Variants in MPZL1 observed in about 807,000 individuals in gnomAD.
MPZL1 encodes myelin protein zero-like protein 1.
A neutral mutation model predicts 29.3 loss-of-function variants in MPZL1; 16 were observed. The ratio of observed to expected loss-of-function variants is 0.55; its 90% confidence interval spans 0.37 to 0.83. The LOEUF is 0.83. Among genes scored for constraint, MPZL1 ranks in the 40% least tolerant of loss-of-function variants. The probability of loss-of-function intolerance (pLI) is 0.00; values close to 1 mark genes in which losing one functional copy is unlikely to be tolerated. For missense variants in MPZL1, 279 were observed against 332.9 expected, an observed-to-expected ratio of 0.84 and a Z score of 1.26; for synonymous variants, 143 against 132.0, an observed-to-expected ratio of 1.08 and a Z score of -0.57.
At chr1:167,776,690 GA>G (rs1169896813) in intron 5 of MPZL1, among the ~76,000 whole-genome samples, 1 of 152,214 alleles carries the variant, frequency 6.6e-6, no homozygotes, top group African/African-American at 2.4e-5. Flanking sequence ...TCTACTTGTA[GA>G]AAGTACAGAA....
At chr1:167,739,266 CATATATACATATATACATATATATAT>C (rs1289172723) in intron 1 of MPZL1, among the ~76,000 whole-genome samples, 1 of 97,170 alleles carries the variant, frequency 1.0e-5, no homozygotes, top group Non-Finnish European at 1.9e-5. Context: ...CATACACATA[CATATATACATATATACATATATATAT>C]ATATATATAT....
Position 167,756,055 on chromosome 1 carries a change from A to G in MPZL1, c.92-9528A>G, listed in dbSNP as rs187486191. 7.2e-5 allele frequency among the ~76,000 whole-genome samples: 11 copies of G among 152,330 alleles called. No individual in the cohort carries two copies. In the East Asian group the frequency reaches 1.9e-3, roughly 27 times the overall value. ...ACAGAAAGATCTTTGTTGGTACAAA[A>G]AAGGTTAAGGATAGATATGTGGCCA... On this transcript the variant is annotated intron_variant, in intron 1 of 5. Transcript: ENST00000359523.
intron 1 of MPZL1, 88 bp downstream of exon 1, chr1:167,722,330 C>T (rs1660048901): frequency 1.6e-6 from 2 of 1,228,194 alleles, no homozygotes; most frequent in Non-Finnish European, 2.0e-6. Flanking sequence ...AGGCCAGGCG[C>T]GCGCACTGAG....
At chr1:167,765,318 G>A (rs1661089620) in intron 1 of MPZL1, 1 of 187,132 alleles carries the variant, frequency 5.3e-6, no homozygotes, top group Admixed American at 6.9e-5. Flanking sequence ...AAGTCTATTA[G>A]TTTAAAAAAA....
chr1:167,760,765 G>GTC (rs1449615973), intron 1 of MPZL1, among the ~76,000 whole-genome samples: 3 of 131,402 alleles, frequency 2.3e-5, no homozygotes, highest in African/African-American at 5.4e-5. Flanking sequence ...GTGTGTGTGT[G>GTC]TGTGTGTGTG....
rs75026799 is a variant in MPZL1, at chr1:167,760,087, C to A, written c.92-5496C>A. ...TGGGGAAGGCTGAAGGAGGCAGACA[C>A]CAATTAGGAAGCTATCAATACTTAA... is the stretch of plus-strand genomic sequence containing the variant. On this transcript the variant is annotated intron_variant, in intron 1 of 5. Transcript: ENST00000359523. Among the ~76,000 whole-genome samples, 1,211 of 152,094 alleles carry A rather than the reference C, an allele frequency of 8.0e-3. 22 individuals are homozygous for A. Among genetic ancestry groups the A allele is most frequent in the African/African-American group, 0.028 (1,173 of 41,448 alleles).
At chr1:167,737,925 GTT>G (rs1660409484) in intron 1 of MPZL1, among the ~76,000 whole-genome samples, 2 of 151,870 alleles carry the variant, frequency 1.3e-5, no homozygotes, top group Non-Finnish European at 2.9e-5. Flanking sequence ...TTTTTTGTTT[GTT>G]TGTTTGTTTG....
intron 1 of MPZL1, among the ~76,000 whole-genome samples, chr1:167,740,794 A>G (rs1660502388): frequency 6.6e-6 from 1 of 152,192 alleles, no homozygotes; most frequent in African/African-American, 2.4e-5. Flanking sequence ...TGCAAACTTA[A>G]CATTTCCAAA....
rs369008551 is a variant in MPZL1 at position 167,734,068 on chromosome 1, T to A, written c.91+11826T>A. 6.4e-4 allele frequency among the ~76,000 whole-genome samples: 98 copies of A among 151,964 alleles called. No homozygotes were observed. The East Asian group carries it at 0.016, about 25-fold the overall frequency. ...TCAGGAGATCAAGACCATCCTGGCT[T>A]ACATGGTGAAACCCCGTCTCTACTA... On this transcript the variant is annotated intron_variant, in intron 1 of 5. Transcript: ENST00000359523.
At chr1:167,755,397 G>C (rs1321466886) in intron 1 of MPZL1, among the ~76,000 whole-genome samples, 4 of 152,142 alleles carry the variant, frequency 2.6e-5, no homozygotes. Context: ...AGGTACAGTG[G>C]TCTTTTTCCT....
At chr1:167,778,573 TA>T (rs987339259) in intron 5 of MPZL1, among the ~76,000 whole-genome samples, 15 of 139,742 alleles carry the variant, frequency 1.1e-4, no homozygotes, top group Non-Finnish European at 1.7e-4. Flanking sequence ...TGGATAGATT[TA>T]AAAAAATAAT....
intron 2 of MPZL1, among the ~76,000 whole-genome samples, chr1:167,771,146 C>T (rs908580214): frequency 1.3e-5 from 2 of 152,092 alleles, no homozygotes; most frequent in South Asian, 2.1e-4. Context: ...TGCGGCCTTC[C>T]GCAGTGTTTG....
At chr1:167,761,348 G>A (rs1660983427) in intron 1 of MPZL1, among the ~76,000 whole-genome samples, 1 of 152,186 alleles carries the variant, frequency 6.6e-6, no homozygotes, top group African/African-American at 2.4e-5. Flanking sequence ...AGGGAGAATT[G>A]CTGGATCAAT....
Position 167,791,794 on chromosome 1 carries a change from T to C in MPZL1, c.*3873T>C, listed in dbSNP as rs1661720738. On this transcript the variant is annotated 3_prime_UTR_variant, in exon 6 of 6. Coordinates refer to ENST00000359523, the MANE Select transcript of MPZL1 (RefSeq NM_003953.6). ...CCCTTAGGAACTTGAGAGGGTAGTG[T>C]AGTCTAGGTGGTAGGCACAGATGTC... The C allele has an allele frequency of 6.6e-6, 1 of 152,230 alleles. No homozygotes were observed. Among genetic ancestry groups the C allele is most frequent in the Non-Finnish European group, 1.5e-5 (1 of 68,032 alleles). 9.4% of individuals were successfully genotyped at this position (152,230 alleles called of 1,614,324 possible).
At chr1:167,756,036 A>G (rs1660861744) in intron 1 of MPZL1, among the ~76,000 whole-genome samples, 1 of 152,218 alleles carries the variant, frequency 6.6e-6, no homozygotes, top group South Asian at 2.1e-4. Context: ...AGAAACAGAA[A>G]GATCTTTGTT....
At chr1:167,747,002 A>G (rs1016257862) in intron 1 of MPZL1, among the ~76,000 whole-genome samples, 3 of 152,208 alleles carry the variant, frequency 2.0e-5, no homozygotes, top group African/African-American at 7.2e-5. Flanking sequence ...TTTGTTCATC[A>G]GAGAGCCACT....
intron 1 of MPZL1, among the ~76,000 whole-genome samples, chr1:167,747,002 A>T (rs1016257862): frequency 2.0e-5 from 3 of 152,208 alleles, no homozygotes; most frequent in Non-Finnish European, 4.4e-5. Context: ...TTTGTTCATC[A>T]GAGAGCCACT....
chr1:167,728,651 C>T (rs1660204222), intron 1 of MPZL1, among the ~76,000 whole-genome samples: 1 of 146,918 alleles, frequency 6.8e-6, no homozygotes, highest in South Asian at 2.2e-4. Context: ...AACTCAGAGT[C>T]TCTAGAAACT....
intron 1 of MPZL1, among the ~76,000 whole-genome samples, chr1:167,746,452 G>T (rs1015375452): frequency 6.6e-6 from 1 of 150,868 alleles, no homozygotes; most frequent in Admixed American, 6.6e-5. Flanking sequence ...ATCAGCAAAG[G>T]GGTGGGCAGC....
Sources: allele counts gnomAD v4.1 joint callset (sites outside exome capture counted in the v4.1 genomes callset), GRCh38; gene constraint gnomAD v4.1.1; transcripts MANE v1.5; gene names NCBI Gene and HGNC (gene_info 2026-07-23, HGNC 2026-07-21).